Variants in PUM2 observed in about 807,000 individuals in gnomAD.
PUM2 encodes pumilio RNA binding family member 2.
In PUM2, 57 loss-of-function variants were observed where a neutral mutation model predicts 124.5. The observed-to-expected ratio is 0.46, with a 90% CI of 0.37 to 0.57. PUM2 has a LOEUF of 0.57. PUM2 is among the 20% of genes least tolerant of loss of function. PUM2 has a pLI of 0.00. For missense variants in PUM2, 1,065 were observed against 1,290.6 expected (o/e 0.83, Z 2.68); for synonymous variants, 460 against 446.1 (o/e 1.03, Z -0.39).
intron 3 of PUM2, among the ~76,000 whole-genome samples, chr2:20,315,600 T>TC (rs1680696049): frequency 6.6e-6 from 1 of 152,084 alleles, no homozygotes; most frequent in African/African-American, 2.4e-5. Flanking sequence ...GGTTTCTCTA[T>TC]CATCCATCTT....
In PUM2 at chr2:20,297,687, T is replaced by C. The variant is rs779609718; in HGVS notation, c.884-9A>G. 6.2e-7 allele frequency: 1 copy of C among 1,603,622 alleles called. No homozygotes were observed. Among genetic ancestry groups the C allele is most frequent in the East Asian group, 2.2e-5 (1 of 44,738 alleles). On this transcript the variant is annotated splice_polypyrimidine_tract_variant and intron_variant, in intron 7 of 20. Transcript: ENST00000361078. ...TGCTGAGAATACACCAGCTATATTT[T>C]AAAAGGGGAGAAATAATAAACAACA...
At chr2:20,271,368 C>T (rs562814574) in intron 13 of PUM2, among the ~76,000 whole-genome samples, 4 of 152,232 alleles carry the variant, frequency 2.6e-5, no homozygotes, top group African/African-American at 9.6e-5. Context: ...GGCTGGAATG[C>T]AGTGGCATAA....
Position 20,263,386 on chromosome 2 carries a change from T to C in PUM2, c.2032A>G (p.Ser678Gly), listed in dbSNP as rs996016949. 10 of 1,614,000 alleles carry C rather than the reference T, an allele frequency of 6.2e-6. No homozygotes were observed. The East Asian group carries it at 8.9e-5, about 14-fold the overall frequency. Residue 678 changes from serine to glycine, a missense_variant, in exon 14 of 21, where the codon AGC becomes GGC. By Grantham distance (56) the Ser-to-Gly change is moderately conservative. This residue lies in a region of PUM2 where 968 missense variants were observed against 1,159.8 expected (regional missense o/e 0.83). Transcript: ENST00000361078. ...GAEAKYRSAS[S>G]TSSLFSSSSQ... ...CTGGAGCTAAATAGACTGGAAGTGC[T>C]TGAAGCACTTCGATATTTTGCTTCT...
In PUM2 at chr2:20,294,491, T is replaced by C. The variant is rs1675031961; in HGVS notation, c.1037A>G (p.Tyr346Cys). The change falls in exon 9 of 21, where the codon TAC (tyrosine) becomes TGC (cysteine). Residue 346 changes from tyrosine (Y) to cysteine (C), a missense_variant. Tyr to Cys is a radical substitution (Grantham distance 194). Around this residue, in one of 3 missense-constraint regions of PUM2, gnomAD observed 968 missense variants for 1,159.8 expected, o/e 0.83. Transcript: ENST00000361078. ...TGGATACACCCCCCATGGAACGCCGTAATACTGAGGTGGAACCACTGCTGG... is the reference window on the plus strand; with the variant it reads ...TGGATACACCCCCCATGGAACGCCGCAATACTGAGGTGGAACCACTGCTGG... The part of the protein sequence containing the change: ...AGPAVVPPQY[Y>C]GVPWGVYPAN... 6.2e-7 allele frequency: 1 copy of C among 1,614,022 alleles called. No homozygotes were observed. The highest frequency in any genetic ancestry group is 8.5e-7 in the Non-Finnish European group (1 of 1,180,008).
At chr2:20,296,618 A>C in intron 8 of PUM2, among the ~76,000 whole-genome samples, 1 of 149,532 alleles carries the variant, frequency 6.7e-6, no homozygotes, top group Non-Finnish European at 1.5e-5. Context: ...CCCAAAAACA[A>C]CAGGGACAGC....
chr2:20,274,952 A>G (rs1378491288), intron 13 of PUM2, among the ~76,000 whole-genome samples: 5 of 141,572 alleles, frequency 3.5e-5, no homozygotes, highest in Non-Finnish European at 7.6e-5. Context: ...CAAGTGAAGT[A>G]TCTCCAAAAA....
At chr2:20,288,939 G>A (rs1050027409) in intron 10 of PUM2, among the ~76,000 whole-genome samples, 4 of 151,964 alleles carry the variant, frequency 2.6e-5, no homozygotes, top group Non-Finnish European at 5.9e-5. Flanking sequence ...TGGTTTTTTC[G>A]TTTGTATTTC....
At chr2:20,317,485 A>G (rs576895376) in intron 3 of PUM2, among the ~76,000 whole-genome samples, 1 of 152,206 alleles carries the variant, frequency 6.6e-6, no homozygotes, top group Non-Finnish European at 1.5e-5. Context: ...GTACAATTTA[A>G]GACTAAAAAT....
chr2:20,266,117 T>C (rs973817063), intron 13 of PUM2, among the ~76,000 whole-genome samples: 2 of 152,198 alleles, frequency 1.3e-5, no homozygotes, highest in African/African-American at 4.8e-5. Context: ...CATTCAGTTC[T>C]AGAAGACTAA....
At chr2:20,343,240 A>T (rs944879030) in intron 1 of PUM2, among the ~76,000 whole-genome samples, 2 of 152,192 alleles carry the variant, frequency 1.3e-5, no homozygotes, top group Non-Finnish European at 2.9e-5. Flanking sequence ...AAACAAACAA[A>T]AAAATTAGCT....
At chr2:20,284,317 C>A (rs1333280952) in intron 10 of PUM2, among the ~76,000 whole-genome samples, 1 of 152,150 alleles carries the variant, frequency 6.6e-6, no homozygotes, top group Non-Finnish European at 1.5e-5. Flanking sequence ...AAAACTGAGG[C>A]CCAATAACCT....
intron 12 of PUM2, among the ~76,000 whole-genome samples, chr2:20,282,737 A>T (rs954179383): frequency 6.6e-6 from 1 of 152,204 alleles, no homozygotes; most frequent in Non-Finnish European, 1.5e-5. Flanking sequence ...ATTATATATG[A>T]GTAAAGAACA....
intron 1 of PUM2, among the ~76,000 whole-genome samples, chr2:20,339,963 A>C (rs927315773): frequency 1.3e-5 from 2 of 152,040 alleles, no homozygotes; most frequent in African/African-American, 4.8e-5. Flanking sequence ...GATTAGTTCT[A>C]TCCTACTCTT....
intron 2 of PUM2, among the ~76,000 whole-genome samples, chr2:20,325,644 C>T (rs527242524): frequency 1.4e-5 from 2 of 138,908 alleles, no homozygotes; most frequent in East Asian, 2.0e-4. Flanking sequence ...TTTTTTGAGA[C>T]GGAGTCTCGG....
At chr2:20,266,629 T>C (rs746008172) in intron 13 of PUM2, among the ~76,000 whole-genome samples, 1 of 152,216 alleles carries the variant, frequency 6.6e-6, no homozygotes, top group Non-Finnish European at 1.5e-5. Flanking sequence ...ATTTTTAACA[T>C]ACATTAGACA....
At chr2:20,276,783 G>C (rs370181693) in intron 13 of PUM2, among the ~76,000 whole-genome samples, 2 of 152,030 alleles carry the variant, frequency 1.3e-5, no homozygotes, top group African/African-American at 4.8e-5. Context: ...CTAAAACTAT[G>C]GGAAACTGGG....
chr2:20,256,228 T>C lies in PUM2; in HGVS notation c.2485-58A>G. 2.1e-6 allele frequency: 3 copies of C among 1,458,618 alleles called. No individual in the cohort carries two copies. The South Asian group carries it at 4.4e-5, about 21-fold the overall frequency. 90.4% of individuals were successfully genotyped at this position (1,458,618 alleles called of 1,614,324 possible). A position where few individuals can be genotyped will look rare whatever the true frequency, so the allele number is the denominator to read the frequency against. On this transcript the variant is annotated intron_variant, in intron 16 of 20. Transcript: ENST00000361078. ...CCTCAAACGAGAAAATACTAGTATATTTTATCTCAGTATTAAAAATTAAAA... is the reference window on the plus strand; with the variant it reads ...CCTCAAACGAGAAAATACTAGTATACTTTATCTCAGTATTAAAAATTAAAA...
intron 16 of PUM2, 125 bp downstream of exon 16, chr2:20,258,118 C>T: frequency 1.2e-6 from 1 of 867,258 alleles, no homozygotes; most frequent in South Asian, 2.2e-5. Flanking sequence ...ACAGTAACAA[C>T]ATTTTAGTCT....
At chr2:20,253,508 TTTTC>T (rs1198065001) in intron 20 of PUM2, among the ~76,000 whole-genome samples, 1 of 151,730 alleles carries the variant, frequency 6.6e-6, no homozygotes, top group Non-Finnish European at 1.5e-5. Context: ...GTCTAATTGT[TTTTC>T]TTTTTTTTTT....
Sources: allele counts gnomAD v4.1 joint callset (sites outside exome capture counted in the v4.1 genomes callset), GRCh38; gene constraint gnomAD v4.1.1; regional missense constraint gnomAD v4.1.1; transcripts MANE v1.5; gene names NCBI Gene and HGNC (gene_info 2026-07-23, HGNC 2026-07-21).